PHLPP1: variants seen among roughly 807,000 people sequenced by gnomAD.
The protein encoded by PHLPP1 is PH domain leucine-rich repeat-containing protein phosphatase 1.
PHLPP1 carries 42 observed loss-of-function variants against 117.2 expected under a neutral mutation model. The ratio of observed to expected loss-of-function variants is 0.36; its 90% CI spans 0.28 to 0.46. The LOEUF (loss-of-function observed/expected upper bound fraction) is 0.46, where lower values mean the gene tolerates loss of function less well. PHLPP1 is among the 20% of genes least tolerant of loss of function. The pLI, the probability that PHLPP1 is intolerant of heterozygous loss-of-function variation, is 1.00. For missense variants in PHLPP1, 2,084 were observed against 2,241.9 expected, an observed-to-expected ratio of 0.93 and a Z score of 1.42; for synonymous variants, 1,042 against 970.7, an observed-to-expected ratio of 1.07 and a Z score of -1.37.
rs1413104148 is a variant in PHLPP1 at position 62,943,604 on chromosome 18, TGA to T, written c.3162-1499_3162-1498del. Among the ~76,000 whole-genome samples, 3 of 152,182 alleles carry T rather than the reference TGA, an allele frequency of 2.0e-5. No individual in the cohort carries two copies. The East Asian group carries it at 5.8e-4, about 29-fold the overall frequency. ...GAAGGGGAGCCATTGTGTCACATGG[TGA>T]GAGAGGGGGCAAAAGAGATGCCAGG... On this transcript the variant is annotated intron_variant, in intron 11 of 16. Transcript: ENST00000262719.
chr18:62,836,797 C>T (rs778399747), intron 2 of PHLPP1, among the ~76,000 whole-genome samples: 1 of 151,106 alleles, frequency 6.6e-6, no homozygotes, highest in African/African-American at 2.4e-5. Context: ...AGGCGTGGCT[C>T]ATGCCTATAA....
intron 1 of PHLPP1, among the ~76,000 whole-genome samples, chr18:62,805,063 G>A (rs1455817584): frequency 7.4e-6 from 1 of 134,688 alleles, no homozygotes; most frequent in East Asian, 2.2e-4. Context: ...ACACTGCATA[G>A]GTTATACATA....
At chr18:62,855,676 CCTT>C (rs1915477482) in intron 3 of PHLPP1, among the ~76,000 whole-genome samples, 1 of 152,188 alleles carries the variant, frequency 6.6e-6, no homozygotes, top group Non-Finnish European at 1.5e-5. Flanking sequence ...GTTTCCTCCT[CCTT>C]GTTTCCAGCA....
chr18:62,870,899 T>C (rs1915885706), intron 4 of PHLPP1, among the ~76,000 whole-genome samples: 1 of 152,204 alleles, frequency 6.6e-6, no homozygotes, highest in Non-Finnish European at 1.5e-5. Flanking sequence ...ATTGGAACTC[T>C]TCAAGTTAGT....
chr18:62,923,662 G>T (rs772504825), intron 10 of PHLPP1, among the ~76,000 whole-genome samples: 7 of 151,818 alleles, frequency 4.6e-5, no homozygotes, highest in Non-Finnish European at 8.8e-5. Context: ...CCTCAATAAT[G>T]GAAATTTTTA....
rs536245082 is a variant in PHLPP1, at chr18:62,780,567, T to C, written c.1577-49468T>C. Among the ~76,000 whole-genome samples, 5 of 152,358 alleles carry C rather than the reference T, an allele frequency of 3.3e-5. No homozygotes were observed. The South Asian group carries it at 1.0e-3, about 32-fold the overall frequency. On this transcript the variant is annotated intron_variant, in intron 1 of 16. Coordinates refer to ENST00000262719, the MANE Select transcript of PHLPP1 (RefSeq NM_194449.4). ...ATAGAATGCTGAATGTTCCATTCCG[T>C]GTTCTGTAGTTCAGTGCTCATCAGA...
At chr18:62,920,752 G>A (rs1447041066) in intron 10 of PHLPP1, among the ~76,000 whole-genome samples, 1 of 152,026 alleles carries the variant, frequency 6.6e-6, no homozygotes, top group Non-Finnish European at 1.5e-5. Context: ...GTAGAGGTGG[G>A]GTTTTGCCAT....
intron 9 of PHLPP1, 112 bp from the exon 10 acceptor site, chr18:62,919,847 A>G (rs1909408286): frequency 9.5e-6 from 7 of 739,970 alleles, no homozygotes; most frequent in Non-Finnish European, 1.3e-5. Context: ...GTTTGAATTT[A>G]TATTAAAATG....
At chr18:62,888,568 A>G (rs1916342247) in intron 4 of PHLPP1, among the ~76,000 whole-genome samples, 1 of 152,018 alleles carries the variant, frequency 6.6e-6, no homozygotes, top group African/African-American at 2.4e-5. Flanking sequence ...GGACGTGGTG[A>G]TGCACACCTG....
chr18:62,886,461 G>T (rs1380667590), intron 4 of PHLPP1, among the ~76,000 whole-genome samples: 4 of 152,098 alleles, frequency 2.6e-5, no homozygotes, highest in Non-Finnish European at 4.4e-5. Context: ...TTTTAGTAGA[G>T]ATGGGATCTT....
chr18:62,802,933 T>C (rs2063953503), intron 1 of PHLPP1, among the ~76,000 whole-genome samples: 1 of 152,198 alleles, frequency 6.6e-6, no homozygotes, highest in African/African-American at 2.4e-5. Context: ...AGGAACGGCA[T>C]GTTGGAACCA....
chr18:62,888,906 T>A (rs553802322), intron 4 of PHLPP1, among the ~76,000 whole-genome samples: 1 of 152,338 alleles, frequency 6.6e-6, no homozygotes, highest in East Asian at 1.9e-4. Flanking sequence ...TTATCTCTCA[T>A]AACTTAAACA....
intron 5 of PHLPP1, 68 bp downstream of exon 5, chr18:62,895,225 C>A: frequency 6.7e-7 from 1 of 1,490,620 alleles, no homozygotes; most frequent in Non-Finnish European, 9.2e-7. Context: ...GGGGGTGTGG[C>A]ACATGAGATT....
chr18:62,853,338 TTTTTTTC>T (rs750472435), intron 3 of PHLPP1, among the ~76,000 whole-genome samples: 6 of 151,960 alleles, frequency 3.9e-5, no homozygotes, highest in East Asian at 1.9e-4. Flanking sequence ...TAGCCTTAAT[TTTTTTTC>T]TTTTTTCTTT....
chr18:62,814,913 G>C (rs1232269227), intron 1 of PHLPP1, among the ~76,000 whole-genome samples: 2 of 152,142 alleles, frequency 1.3e-5, no homozygotes, highest in Non-Finnish European at 1.5e-5. Context: ...AAAGTTGTGA[G>C]GTTTTGCCCC....
chr18:62,936,815 A>G (rs989278880), intron 10 of PHLPP1, among the ~76,000 whole-genome samples: 103 of 152,324 alleles, frequency 6.8e-4, no homozygotes, highest in African/African-American at 2.3e-3. Flanking sequence ...GAGGACTGAT[A>G]ATGAAATACA....
rs543961747 is a variant in PHLPP1 at position 62,821,718 on chromosome 18, A to G, written c.1577-8317A>G. ...AATGAAAGAGGTGACATCATTACAG[A>G]TTCTATAGATATTAAAAGGATAATA... On this transcript the variant is annotated intron_variant, in intron 1 of 16. Coordinates refer to ENST00000262719, the MANE Select transcript of PHLPP1 (RefSeq NM_194449.4). Among the ~76,000 whole-genome samples the G allele has an allele frequency of 4.2e-4, 64 of 151,836 alleles. 1 individual carries two copies. The South Asian group carries it at 8.1e-3, about 19-fold the overall frequency.
At chr18:62,888,546 C>T (rs576664277) in intron 4 of PHLPP1, among the ~76,000 whole-genome samples, 1 of 152,094 alleles carries the variant, frequency 6.6e-6, no homozygotes, top group East Asian at 1.9e-4. Context: ...ACCAAAAATA[C>T]AAAACTTAGC....
chr18:62,919,510 A>G (rs1432400220), intron 9 of PHLPP1, among the ~76,000 whole-genome samples: 1 of 152,248 alleles, frequency 6.6e-6, no homozygotes, highest in African/African-American at 2.4e-5. Flanking sequence ...CTCAGTGGAC[A>G]TTTGTAAAAG....
Sources: allele counts gnomAD v4.1 joint callset (sites outside exome capture counted in the v4.1 genomes callset), GRCh38; gene constraint gnomAD v4.1.1; transcripts MANE v1.5; gene names NCBI Gene and HGNC (gene_info 2026-07-23, HGNC 2026-07-21).